EZH1: variants seen among roughly 807,000 people sequenced by gnomAD.
The protein encoded by EZH1 is enhancer of zeste 1 polycomb repressive complex 2 subunit, also known as histone-lysine N-methyltransferase EZH1.
A neutral mutation model predicts 100.5 loss-of-function variants in EZH1; 33 were observed. That is an observed-to-expected ratio of 0.33 (90% CI 0.25 to 0.44). The LOEUF (loss-of-function observed/expected upper bound fraction) is 0.44. EZH1 is among the 20% of genes least tolerant of loss of function. The probability of loss-of-function intolerance (pLI) is 1.00; values close to 1 mark genes in which losing one functional copy is unlikely to be tolerated. For missense variants in EZH1, 475 were observed against 928.4 expected, an observed-to-expected ratio of 0.51 and a Z score of 6.35; for synonymous variants, 272 against 313.8, an observed-to-expected ratio of 0.87 and a Z score of 1.41.
intron 19 of EZH1, 37 bp from the exon 20 acceptor site, chr17:42,702,998 CA>C (rs2053276352): frequency 6.3e-7 from 1 of 1,599,790 alleles, no homozygotes; most frequent in Non-Finnish European, 8.6e-7. Context: ...GGTTCCTACC[CA>C]ACTCCAAGTC....
chr17:42,718,074 A>G lies in EZH1; in HGVS notation c.932-7T>C, dbSNP rs1475997182. On this transcript the variant is annotated splice_polypyrimidine_tract_variant and splice_region_variant and intron_variant, in intron 9 of 20. Transcript: ENST00000428826. This position sits in a 1 kb window ranked among gnomAD's most constrained non-coding sequence, Gnocchi z 4.2. ...TTAGGGGTGGCATGAAAAGCTGGAA[A>G]ACAAAAACTGTCTTGTTGCCAGTGG... The G allele has an allele frequency of 3.1e-6, 5 of 1,613,300 alleles. No individual in the cohort carries two copies. The South Asian group carries it at 4.4e-5, about 14-fold the overall frequency.
chr17:42,727,152 C>T (rs372869375), intron 4 of EZH1, among the ~76,000 whole-genome samples: 1 of 151,936 alleles, frequency 6.6e-6, no homozygotes, highest in African/African-American at 2.4e-5. Context: ...GTCCAGCCCC[C>T]GTAATTATTC....
Position 42,718,417 on chromosome 17 carries a change from G to A in EZH1, c.931+37C>T, listed in dbSNP as rs1472682153. On this transcript the variant is annotated intron_variant, in intron 9 of 20. Coordinates refer to ENST00000428826, the MANE Select transcript of EZH1 (RefSeq NM_001991.5). This position sits in a 1 kb window ranked among gnomAD's most constrained non-coding sequence, Gnocchi z 4.2. ...AAGGAAATGGTGGCTGGGGATGGAA[G>A]AGAGGAGAGCATTTCAAACAGAGTA... 4 of 1,609,380 alleles carry A rather than the reference G, an allele frequency of 2.5e-6. No individual in the cohort carries two copies. Among genetic ancestry groups the A allele is most frequent in the African/African-American group, 1.3e-5 (1 of 74,836 alleles).
intron 10 of EZH1, among the ~76,000 whole-genome samples, chr17:42,717,607 C>G (rs1235594517): frequency 1.3e-5 from 2 of 152,154 alleles, no homozygotes; most frequent in African/African-American, 2.4e-5. Flanking sequence ...TCATCACGTG[C>G]TATTCGTCTC....
In EZH1 at chr17:42,721,312, C is replaced by G. The variant is rs60120379; in HGVS notation, c.488-863G>C. On this transcript the variant is annotated intron_variant, in intron 6 of 20. Transcript: ENST00000428826. ...AAGTGATGGAGAGCCTCTCCTCTTT[C>G]CATTTCTTACACACGGACAGACTTT... Among the ~76,000 whole-genome samples the G allele has an allele frequency of 5.0e-3, 758 of 152,296 alleles. 31 individuals are homozygous for G. Among genetic ancestry groups the G allele is most frequent in the Admixed American group, 0.047 (715 of 15,282 alleles).
At chr17:42,704,791 G>T in intron 17 of EZH1, 108 bp from the exon 18 acceptor site, 1 of 807,126 alleles carries the variant, frequency 1.2e-6, no homozygotes, top group Non-Finnish European at 2.0e-6. Flanking sequence ...TGCTTACTGA[G>T]CATCATGATG....
At position 42,700,322 on chromosome 17, in the gene EZH1, G is replaced by T. The variant is rs2053217224; in HGVS notation, c.*2210C>A. On this transcript the variant is annotated 3_prime_UTR_variant, in exon 21 of 21. Coordinates refer to ENST00000428826, the MANE Select transcript of EZH1 (RefSeq NM_001991.5). ...AGGTCACAAGCCACAGGACTTTAAA[G>T]TGCATGAAATTTATTGGCAATGAAG... The T allele has an allele frequency of 6.5e-6, 1 of 152,834 alleles. No individual in the cohort carries two copies. The highest frequency in any genetic ancestry group is 2.1e-4 in the South Asian group (1 of 4,826). 9.5% of individuals were successfully genotyped at this position (152,834 alleles called of 1,614,324 possible). A position where few individuals can be genotyped will look rare whatever the true frequency, so the allele number is the denominator to read the frequency against.
Position 42,727,615 on chromosome 17 carries a change from G to T in EZH1, c.246+20C>A, listed in dbSNP as rs751257443. The stretch of plus-strand genomic sequence containing the variant: ...AGCCCAAGGAAGAGAGGAAGACTGA[G>T]CTTAAACTCCCAAAAGTACCTTTTT... On this transcript the variant is annotated intron_variant, in intron 4 of 20. Transcript: ENST00000428826. 1.2e-6 allele frequency: 2 copies of T among 1,600,514 alleles called. No individual in the cohort carries two copies. Among genetic ancestry groups the T allele is most frequent in the Non-Finnish European group, 1.7e-6 (2 of 1,172,870 alleles).
intron 4 of EZH1, among the ~76,000 whole-genome samples, chr17:42,727,220 ATTAACC>A (rs1399491458): frequency 6.6e-6 from 1 of 152,154 alleles, no homozygotes; most frequent in Non-Finnish European, 1.5e-5. Context: ...AGCTGTATCT[ATTAACC>A]TTAACCTTAT....
chr17:42,704,201 G>A (rs546848776), intron 18 of EZH1, among the ~76,000 whole-genome samples: 1 of 152,226 alleles, frequency 6.6e-6, no homozygotes, highest in South Asian at 2.1e-4. Flanking sequence ...GGAAGATTCG[G>A]AGCTGATCTA....
chr17:42,707,463 G>A (rs1356130844), intron 15 of EZH1, among the ~76,000 whole-genome samples: 1 of 152,196 alleles, frequency 6.6e-6, no homozygotes, highest in African/African-American at 2.4e-5. Flanking sequence ...GGTTCACCAT[G>A]TTGGCCAGGC....
chr17:42,734,934 A>G (rs939572249), intron 1 of EZH1, among the ~76,000 whole-genome samples: 2 of 147,910 alleles, frequency 1.4e-5, no homozygotes, highest in African/African-American at 5.0e-5. Flanking sequence ...CAGAGGTTGC[A>G]GTGAGCTGAG....
chr17:42,718,632 A>G lies in EZH1; in HGVS notation c.768-15T>C. ...GTTCTCGATACCTATTTAAGAAAAGAGAGATAAGAGTTCCTCCGAGGAACT... is the reference window on the plus strand; with the variant it reads ...GTTCTCGATACCTATTTAAGAAAAGGGAGATAAGAGTTCCTCCGAGGAACT... On this transcript the variant is annotated splice_polypyrimidine_tract_variant and intron_variant, in intron 8 of 20. Transcript: ENST00000428826. The surrounding 1 kb of genome is among the most constrained non-coding windows in gnomAD (Gnocchi z 4.2). 6.2e-7 allele frequency: 1 copy of G among 1,613,726 alleles called. No individual in the cohort carries two copies. The highest frequency in any genetic ancestry group is 2.2e-5 in the East Asian group (1 of 44,870).
intron 1 of EZH1, among the ~76,000 whole-genome samples, chr17:42,744,227 A>G (rs1471628446): frequency 2.0e-5 from 3 of 152,116 alleles, no homozygotes; most frequent in African/African-American, 7.2e-5. Context: ...GTCACTTTTT[A>G]TTGAAATAAA....
At position 42,718,230 on chromosome 17, in the gene EZH1, T is replaced by G. The variant is rs1227513432; in HGVS notation, c.932-163A>C. ...CATTTCTGACATCAACACAATGCTT[T>G]CAAAGCTAAGAGGTACTGAGGGACA... On this transcript the variant is annotated intron_variant, in intron 9 of 20. Transcript: ENST00000428826. The surrounding 1 kb of genome is among the most constrained non-coding windows in gnomAD (Gnocchi z 4.2). 7 of 843,344 alleles carry G rather than the reference T, an allele frequency of 8.3e-6. No individual in the cohort carries two copies. In the East Asian group the frequency reaches 1.9e-4, roughly 22 times the overall value. 52.2% of individuals were successfully genotyped at this position (843,344 alleles called of 1,614,324 possible).
At chr17:42,725,923 G>C (rs1479363411) in intron 4 of EZH1, among the ~76,000 whole-genome samples, 2 of 152,156 alleles carry the variant, frequency 1.3e-5, no homozygotes, top group Non-Finnish European at 2.9e-5. Flanking sequence ...CTGTCGCCCA[G>C]GCTGGAGTGC....
chr17:42,743,264 G>A (rs532739734), intron 1 of EZH1, among the ~76,000 whole-genome samples: 51 of 149,412 alleles, frequency 3.4e-4, no homozygotes, highest in East Asian at 2.4e-3. Context: ...TCCACCTCCC[G>A]GTTCAAGCGA....
chr17:42,742,142 T>C (rs1568011430), intron 1 of EZH1, among the ~76,000 whole-genome samples: 1 of 138,688 alleles, frequency 7.2e-6, no homozygotes, highest in Non-Finnish European at 1.6e-5. Context: ...GCTGTCTCTC[T>C]TTTTTTTTTT....
chr17:42,724,537 C>A, intron 4 of EZH1, 113 bp from the exon 5 acceptor site: 2 of 1,331,330 alleles, frequency 1.5e-6, no homozygotes, highest in African/African-American at 1.5e-5. Flanking sequence ...GTAATCCCAG[C>A]ACTTTGGGAG....
Sources: allele counts gnomAD v4.1 joint callset (sites outside exome capture counted in the v4.1 genomes callset), GRCh38; gene constraint gnomAD v4.1.1; non-coding constraint Gnocchi (gnomAD v3.1); transcripts MANE v1.5; gene names NCBI Gene and HGNC (gene_info 2026-07-23, HGNC 2026-07-21).